The following PSG9 variants were observed in gnomAD, a reference collection of about 807,000 sequenced individuals.
PSG9 encodes pregnancy-specific beta-1-glycoprotein 9.
In PSG9, 49 loss-of-function variants were observed where a neutral mutation model predicts 41.9. The ratio of observed to expected loss-of-function variants is 1.17; its 90% confidence interval spans 0.93 to 1.48. The LOEUF (loss-of-function observed/expected upper bound fraction) is 1.48. PSG9 is among the 40% of genes most tolerant of loss of function. The probability of loss-of-function intolerance (pLI) is 0.00; values close to 1 mark genes in which losing one functional copy is unlikely to be tolerated. For missense variants in PSG9, 641 were observed against 520.3 expected (o/e 1.23, Z -2.26); for synonymous variants, 263 against 196.8 (o/e 1.34, Z -2.82).
In PSG9 at chr19:43,258,014, A is replaced by G. The variant is rs1063009; in HGVS notation, c.1243+188T>C. 4.0e-5 allele frequency: 62 copies of G among 1,534,460 alleles called. 5 individuals carry two copies. The highest frequency in any genetic ancestry group is 2.6e-4 in the African/African-American group (18 of 68,508). Reference sequence around the variant, plus strand: ...TCAGGCCAGACACAAGGTCAGCCATAAGAAAACAGAAAAACAAGGAGAAGA... The same window carrying G: ...TCAGGCCAGACACAAGGTCAGCCATGAGAAAACAGAAAAACAAGGAGAAGA... On this transcript the variant is annotated intron_variant, in intron 5 of 5. Coordinates refer to ENST00000270077, the MANE Select transcript of PSG9 (RefSeq NM_002784.5).
chr19:43,263,952 G>T (rs531739427), intron 2 of PSG9, among the ~76,000 whole-genome samples: 1 of 152,218 alleles, frequency 6.6e-6, no homozygotes, highest in Admixed American at 6.5e-5. Flanking sequence ...AGGAAAAATG[G>T]GGAGGACTGC....
chr19:43,257,717 G>A lies in PSG9; in HGVS notation c.1243+485C>T, dbSNP rs190851685. The A allele has an allele frequency of 3.6e-3, 4,167 of 1,148,998 alleles. 242 individuals carry two copies. Among genetic ancestry groups the A allele is most frequent in the Non-Finnish European group, 4.0e-3 (3,774 of 943,354 alleles). The allele number at this position is 1,148,998 out of a possible 1,614,324, so 71.2% of individuals were successfully genotyped here. A position where few individuals can be genotyped will look rare whatever the true frequency, so the allele number is the denominator to read the frequency against. ...GCAGGGCCAGTCACCAGAGGAGCCC[G>A]GAGCAGAGCAGGAAGCAGAGTCTGA... On this transcript the variant is annotated intron_variant, in intron 5 of 5. Coordinates refer to ENST00000270077, the MANE Select transcript of PSG9 (RefSeq NM_002784.5).
Position 43,255,469 on chromosome 19 carries a change from T to G in PSG9, c.1244-1823A>C, listed in dbSNP as rs776743277. Among the ~76,000 whole-genome samples the G allele has an allele frequency of 2.7e-5, 4 of 146,590 alleles. 1 individual carries two copies. The highest frequency in any genetic ancestry group is 7.8e-5 in the African/African-American group (3 of 38,596). Reference sequence around the variant, plus strand: ...AGTAACAAGACAAGGATGCCTGCTTTTGACACTTTTATTCAACGTAGTATT... The same window carrying G: ...AGTAACAAGACAAGGATGCCTGCTTGTGACACTTTTATTCAACGTAGTATT... On this transcript the variant is annotated intron_variant, in intron 5 of 5. Coordinates refer to ENST00000270077, the MANE Select transcript of PSG9 (RefSeq NM_002784.5).
chr19:43,257,796 G>C lies in PSG9; in HGVS notation c.1243+406C>G, dbSNP rs886443645. 124 of 1,306,598 alleles carry C rather than the reference G, an allele frequency of 9.5e-5. 6 individuals carry two copies. The highest frequency in any genetic ancestry group is 5.8e-4 in the Middle Eastern group (2 of 3,466). 80.9% of individuals were successfully genotyped at this position (1,306,598 alleles called of 1,614,324 possible). A position where few individuals can be genotyped will look rare whatever the true frequency, so the allele number is the denominator to read the frequency against. On this transcript the variant is annotated intron_variant, in intron 5 of 5. Coordinates refer to ENST00000270077, the MANE Select transcript of PSG9 (RefSeq NM_002784.5). Reference sequence around the variant, plus strand: ...CTCCTCTCATCTGGGGGAAAAGTGTGAGCTTGTTTCAAAGCCTCAGCTGTC... The same window carrying C: ...CTCCTCTCATCTGGGGGAAAAGTGTCAGCTTGTTTCAAAGCCTCAGCTGTC...
rs757008809 is a variant in PSG9, at chr19:43,264,196, CA to C, written c.431-2059del. Among the ~76,000 whole-genome samples, 144 of 152,146 alleles carry C rather than the reference CA, an allele frequency of 9.5e-4. 1 individual carries two copies. The highest frequency in any genetic ancestry group is 1.7e-3 in the Non-Finnish European group (117 of 67,974). ...CACCTGGCCACCTCCAACTGGTCCC[CA>C]AAAACCACCAGTATTCCCATTATGT... On this transcript the variant is annotated intron_variant, in intron 2 of 5. Coordinates refer to ENST00000270077, the MANE Select transcript of PSG9 (RefSeq NM_002784.5).
chr19:43,257,350 G>A lies in PSG9; in HGVS notation c.1243+852C>T, dbSNP rs1371812359. On this transcript the variant is annotated intron_variant, in intron 5 of 5. Transcript: ENST00000270077. ...GTCTTATATTAGATATATATAAAGT[G>A]TCTGGTAGTCTTACCCTCTCTATAA... is the stretch of plus-strand genomic sequence containing the variant. 1.5e-5 allele frequency: 14 copies of A among 955,632 alleles called. 1 individual carries two copies. Among genetic ancestry groups the A allele is most frequent in the Non-Finnish European group, 1.7e-5 (14 of 809,884 alleles). 59.2% of individuals were successfully genotyped at this position (955,632 alleles called of 1,614,324 possible).
chr19:43,261,255 A>T (rs1416986339), intron 3 of PSG9, among the ~76,000 whole-genome samples: 1 of 143,384 alleles, frequency 7.0e-6, no homozygotes, highest in Non-Finnish European at 1.5e-5. Context: ...CCAGTGGCTG[A>T]GTTATGGATG....
chr19:43,260,739 A>G (rs951577837), intron 3 of PSG9: 6 of 151,990 alleles, frequency 3.9e-5, no homozygotes, highest in African/African-American at 1.5e-4. Context: ...TTCTGCAAAA[A>G]ATGTTACTGG....
At chr19:43,267,689 T>C in intron 2 of PSG9, 95 bp downstream of exon 2, 2 of 1,572,162 alleles carry the variant, frequency 1.3e-6, no homozygotes, top group Non-Finnish European at 8.7e-7. Context: ...ATGCAGAGAG[T>C]GACACAGGCA....
intron 5 of PSG9, chr19:43,257,857 G>T: frequency 2.2e-6 from 3 of 1,376,694 alleles, no homozygotes; most frequent in Non-Finnish European, 2.8e-6. Context: ...AGAAAAAAAA[G>T]ACGTGGCAGA....
Position 43,253,422 on chromosome 19 carries a change from G to C in PSG9, c.*187C>G, listed in dbSNP as rs1384355082. On this transcript the variant is annotated 3_prime_UTR_variant, in exon 6 of 6. Coordinates refer to ENST00000270077, the MANE Select transcript of PSG9 (RefSeq NM_002784.5). ...ACAAAAGTATACTTTACCAATTGCT[G>C]AAGAAAAAAAGTTCATAAATCTGGA... The C allele has an allele frequency of 4.7e-6, 2 of 421,468 alleles. 1 individual carries two copies. Among genetic ancestry groups the C allele is most frequent in the East Asian group, 1.3e-4 (2 of 15,088 alleles). 26.1% of individuals were successfully genotyped at this position (421,468 alleles called of 1,614,324 possible).
Position 43,268,085 on chromosome 19 carries a change from G to A in PSG9, c.129C>T (p.Pro43=). The change falls in exon 2 of 6, where the codon CCC becomes CCT. Residue 43 remains proline, a synonymous_variant. Transcript: ENST00000270077. ...TAEVTIEAQP[P]KVSEGKDVLL... Reference sequence around the variant, plus strand: ...GAACATCCTTCCCCTCAGAAACTTTGGGTGGCTGGGCTTCAATCGTGACTT... The same window carrying A: ...GAACATCCTTCCCCTCAGAAACTTTAGGTGGCTGGGCTTCAATCGTGACTT... The A allele has an allele frequency of 6.2e-7, 1 of 1,613,582 alleles. No homozygotes were observed. Among genetic ancestry groups the A allele is most frequent in the Non-Finnish European group, 8.5e-7 (1 of 1,179,730 alleles).
In PSG9 at chr19:43,269,440, C is replaced by T; in HGVS notation, c.-9G>A. ...GCTGGGAGGGGCCCCATGGTCTCTG[C>T]TGCCTGTGTGTTCTCCTCTGTGGAG... On this transcript the variant is annotated 5_prime_UTR_variant, in exon 1 of 6. Transcript: ENST00000270077. 6.2e-7 allele frequency: 1 copy of T among 1,613,496 alleles called. No homozygotes were observed. Among genetic ancestry groups the T allele is most frequent in the Non-Finnish European group, 8.5e-7 (1 of 1,179,608 alleles).
intron 2 of PSG9, among the ~76,000 whole-genome samples, chr19:43,265,956 C>T (rs1280678629): frequency 6.6e-6 from 1 of 152,056 alleles, no homozygotes; most frequent in Admixed American, 6.5e-5. Context: ...GTGGGCCAGG[C>T]CACAGTGTTA....
At position 43,254,843 on chromosome 19, in the gene PSG9, C is replaced by T. The variant is rs916962731; in HGVS notation, c.1244-1197G>A. 1.4e-5 allele frequency among the ~76,000 whole-genome samples: 2 copies of T among 145,552 alleles called. 1 individual carries two copies. The highest frequency in any genetic ancestry group is 5.3e-5 in the African/African-American group (2 of 38,014). On this transcript the variant is annotated intron_variant, in intron 5 of 5. Coordinates refer to ENST00000270077, the MANE Select transcript of PSG9 (RefSeq NM_002784.5). ...GGTGGGTCATGTTTTAATCCTAGCACTTTGGGAGGTCACAGCAGAAGGATT... is the reference window on the plus strand; with the variant it reads ...GGTGGGTCATGTTTTAATCCTAGCATTTTGGGAGGTCACAGCAGAAGGATT...
At chr19:43,267,274 C>T (rs140500524) in intron 2 of PSG9, among the ~76,000 whole-genome samples, 1,545 of 152,220 alleles carry the variant, frequency 0.01, 34 homozygotes, top group African/African-American at 0.033. Context: ...CCAGGAGACA[C>T]AGTCCTCAGA....
intron 5 of PSG9, chr19:43,257,776 C>G (rs1407457848): frequency 2.4e-6 from 3 of 1,272,748 alleles, no homozygotes; most frequent in Non-Finnish European, 2.9e-6. Context: ...GCTTCCTCCT[C>G]TCATCTGGGG....
In PSG9 at chr19:43,268,111, C is replaced by G. The variant is rs201408508; in HGVS notation, c.103G>C (p.Glu35Gln). 11 of 1,612,430 alleles carry G rather than the reference C, an allele frequency of 6.8e-6. No homozygotes were observed. The Admixed American group carries it at 1.2e-4, about 17-fold the overall frequency. Residue 35 changes from glutamate (E) to glutamine (Q), a missense_variant, in exon 2 of 6, where the codon GAA (glutamate) becomes CAA (glutamine). Physicochemically the swap from Glu to Gln is conservative, Grantham distance 29 (BLOSUM62 2). Coordinates refer to ENST00000270077, the MANE Select transcript of PSG9 (RefSeq NM_002784.5). ...LNFWNPPTTA[E>Q]VTIEAQPPKV... ...GGTGGCTGGGCTTCAATCGTGACTT[C>G]GGCAGTGGTGGGCGGGTTCCAGAAG...
At position 43,258,206 on chromosome 19, in the gene PSG9, G is replaced by A; in HGVS notation, c.1239C>T (p.Val413=). 6.3e-7 allele frequency: 1 copy of A among 1,592,762 alleles called. No individual in the cohort carries two copies. The highest frequency in any genetic ancestry group is 8.5e-7 in the Non-Finnish European group (1 of 1,174,492). ...KEISKSMTVK[V]SGPCHGDLTE... ...AGGATGCTGGGATCCACTTACCAGA[G>A]ACTTTGACTGTCATGGATTTGGAGA... Residue 413 remains valine (V), a synonymous_variant, in exon 5 of 6, where the codon GTC becomes GTT. Coordinates refer to ENST00000270077, the MANE Select transcript of PSG9 (RefSeq NM_002784.5).
Sources: gnomAD v4.1 joint callset for allele counts (sites outside exome capture counted in the v4.1 genomes callset) on GRCh38, gnomAD v4.1.1 for gene constraint, MANE v1.5 for transcripts, NCBI Gene and HGNC (gene_info 2026-07-23, HGNC 2026-07-21) for gene names.